GRM1: variants seen among roughly 807,000 people sequenced by gnomAD.
GRM1 encodes the protein metabotropic glutamate receptor 1.
GRM1 carries 33 observed loss-of-function variants against 90.9 expected under a neutral mutation model. The observed-to-expected ratio is 0.36, with a 90% CI of 0.28 to 0.49. The LOEUF is 0.49. GRM1 is among the 20% of genes least tolerant of loss of function. GRM1 has a pLI of 0.99. For synonymous variants in GRM1, 700 were observed against 613.2 expected (o/e 1.14, Z -2.09); for missense variants, 1,190 against 1,534.3 (o/e 0.78, Z 3.75).
At chr6:146,150,775 G>A (rs1777295515) in intron 1 of GRM1, among the ~76,000 whole-genome samples, 3 of 151,910 alleles carry the variant, frequency 2.0e-5, no homozygotes. Flanking sequence ...TTAACTTTTA[G>A]CTCCCACAAA....
At chr6:146,115,155 A>G (rs1775693904) in intron 1 of GRM1, among the ~76,000 whole-genome samples, 1 of 151,992 alleles carries the variant, frequency 6.6e-6, no homozygotes, top group African/African-American at 2.4e-5. Context: ...TTGTTTCTCT[A>G]TAGTTCAATT....
At chr6:146,215,762 T>A (rs1259202811) in intron 2 of GRM1, among the ~76,000 whole-genome samples, 3 of 151,526 alleles carry the variant, frequency 2.0e-5, no homozygotes, top group African/African-American at 4.8e-5. Context: ...CACAAACTTT[T>A]TTTTTTTTTT....
At chr6:146,076,781 T>G (rs948966836) in intron 1 of GRM1, among the ~76,000 whole-genome samples, 1 of 152,188 alleles carries the variant, frequency 6.6e-6, no homozygotes, top group Non-Finnish European at 1.5e-5. Flanking sequence ...AGATAGTATT[T>G]GTGCAAATTA....
rs1416889105 is a variant in GRM1, at chr6:146,434,349, G to A, written c.3138G>A (p.Pro1046=). ...GVVSNFSTAI[P]DFHAVLAGPG... ...TCAGCAACTTCAGTACCGCGATCCC[G>A]GATTTTCACGCGGTGCTGGCAGGCC... Residue 1046 remains proline, a synonymous_variant, in exon 8 of 8, where the codon CCG becomes CCA. Transcript: ENST00000282753. 2 of 1,612,512 alleles carry A rather than the reference G, an allele frequency of 1.2e-6. No homozygotes were observed. Among genetic ancestry groups the A allele is most frequent in the East Asian group, 4.5e-5 (2 of 44,800 alleles).
intron 2 of GRM1, among the ~76,000 whole-genome samples, chr6:146,167,045 C>A (rs983158914): frequency 6.6e-6 from 1 of 152,042 alleles, no homozygotes; most frequent in Admixed American, 6.6e-5. Context: ...TTCTTAGTAC[C>A]GCCTTGCAGT....
chr6:146,216,965 A>G (rs1779893097), intron 2 of GRM1, among the ~76,000 whole-genome samples: 4 of 152,176 alleles, frequency 2.6e-5, no homozygotes, highest in Admixed American at 2.0e-4. Context: ...GTGCAGGTGA[A>G]GTCTAAATAT....
chr6:146,421,163 A>C (rs1013044231), intron 7 of GRM1, among the ~76,000 whole-genome samples: 1 of 152,202 alleles, frequency 6.6e-6, no homozygotes, highest in Non-Finnish European at 1.5e-5. Flanking sequence ...CAATGTACCA[A>C]TTCTAGTTCT....
chr6:146,327,077 ACAAT>A (rs1469174164), intron 3 of GRM1, among the ~76,000 whole-genome samples: 3 of 152,180 alleles, frequency 2.0e-5, no homozygotes, highest in African/African-American at 4.8e-5. Context: ...TAGATTTATC[ACAAT>A]CAGTGAACCA....
chr6:146,214,963 A>G (rs1389748485), intron 2 of GRM1, among the ~76,000 whole-genome samples: 2 of 152,170 alleles, frequency 1.3e-5, no homozygotes, highest in African/African-American at 4.8e-5. Flanking sequence ...CTTGTGATCT[A>G]CCTTGCTCTG....
intron 1 of GRM1, among the ~76,000 whole-genome samples, chr6:146,089,076 G>A (rs886352638): frequency 1.3e-5 from 2 of 152,046 alleles, no homozygotes; most frequent in Admixed American, 1.3e-4. Flanking sequence ...AAGGTAAAGG[G>A]AGGTCACTTC....
chr6:146,034,029 T>G (rs1790798362), intron 1 of GRM1, among the ~76,000 whole-genome samples: 1 of 152,118 alleles, frequency 6.6e-6, no homozygotes, highest in Admixed American at 6.6e-5. Context: ...AGGAGTGTTT[T>G]GAAAGGTTAT....
intron 2 of GRM1, among the ~76,000 whole-genome samples, chr6:146,217,068 G>C (rs1385935805): frequency 6.6e-6 from 1 of 152,156 alleles, no homozygotes; most frequent in East Asian, 1.9e-4. Flanking sequence ...GGATAAGACT[G>C]GAGGAGCCTT....
chr6:146,125,489 T>C (rs1776164752), intron 1 of GRM1, among the ~76,000 whole-genome samples: 1 of 151,096 alleles, frequency 6.6e-6, no homozygotes, highest in Non-Finnish European at 1.5e-5. Flanking sequence ...TCTCTCACCT[T>C]TTCCACCCTT....
chr6:146,129,252 G>A (rs1410840846), intron 1 of GRM1, among the ~76,000 whole-genome samples: 1 of 152,136 alleles, frequency 6.6e-6, no homozygotes, highest in East Asian at 1.9e-4. Flanking sequence ...ACATTCCCAT[G>A]TTCCTACAGC....
At chr6:146,179,339 A>G (rs959705806) in intron 2 of GRM1, among the ~76,000 whole-genome samples, 1 of 152,132 alleles carries the variant, frequency 6.6e-6, no homozygotes, top group East Asian at 1.9e-4. Context: ...AGATGACCTT[A>G]TGACCCCAGC....
chr6:146,233,728 C>T (rs964385511), intron 2 of GRM1, among the ~76,000 whole-genome samples: 1 of 151,992 alleles, frequency 6.6e-6, no homozygotes, highest in African/African-American at 2.4e-5. Flanking sequence ...ATATAGTTTA[C>T]TTATAGTCTA....
intron 5 of GRM1, among the ~76,000 whole-genome samples, chr6:146,376,903 G>A (rs1776120891): frequency 6.6e-6 from 1 of 151,986 alleles, no homozygotes; most frequent in South Asian, 2.1e-4. Context: ...AGGTCTTTCT[G>A]GTGCTGTTCT....
chr6:146,054,682 C>T (rs1007111707), intron 1 of GRM1, among the ~76,000 whole-genome samples: 1 of 152,012 alleles, frequency 6.6e-6, no homozygotes, highest in African/African-American at 2.4e-5. Context: ...ACTCCAACAG[C>T]CATTGGGAGA....
chr6:146,257,678 C>A (rs1423214815), intron 2 of GRM1, among the ~76,000 whole-genome samples: 1 of 152,016 alleles, frequency 6.6e-6, no homozygotes. Context: ...TTCTGAGAAC[C>A]AGATGAGGGC....
Sources: allele counts gnomAD v4.1 joint callset (sites outside exome capture counted in the v4.1 genomes callset), GRCh38; gene constraint gnomAD v4.1.1; transcripts MANE v1.5; gene names NCBI Gene and HGNC (gene_info 2026-07-23, HGNC 2026-07-21).